MANBA: variants seen among roughly 807,000 people sequenced by gnomAD.
MANBA encodes the protein mannosidase beta.
A neutral mutation model predicts 111.1 loss-of-function variants in MANBA; 83 were observed. The ratio of observed to expected loss-of-function variants is 0.75; its 90% confidence interval spans 0.63 to 0.90. The LOEUF (loss-of-function observed/expected upper bound fraction) is 0.90, where lower values mean the gene tolerates loss of function less well. Ranked by LOEUF, MANBA falls within the 40% of genes least tolerant of loss-of-function variation. The pLI is 0.00. For synonymous variants in MANBA, 370 were observed against 378.7 expected (o/e 0.98, Z 0.27); for missense variants, 1,036 against 1,069.0 (o/e 0.97, Z 0.43).
intron 4 of MANBA, among the ~76,000 whole-genome samples, chr4:102,719,425 C>T (rs534788470): frequency 1.3e-5 from 2 of 152,278 alleles, no homozygotes; most frequent in South Asian, 4.1e-4. Context: ...TGTTCAAACA[C>T]ACATTTTACA....
At chr4:102,640,504 T>C (rs569490929) in intron 13 of MANBA, among the ~76,000 whole-genome samples, 1 of 152,340 alleles carries the variant, frequency 6.6e-6, no homozygotes, top group Admixed American at 6.5e-5. Flanking sequence ...CACAGGACCC[T>C]TGATTACCGA....
At chr4:102,632,703 C>T (rs1729446224) in intron 16 of MANBA, among the ~76,000 whole-genome samples, 1 of 152,194 alleles carries the variant, frequency 6.6e-6, no homozygotes, top group Admixed American at 6.5e-5. Context: ...TGAAAAGATC[C>T]AGCAATCTAG....
chr4:102,670,670 C>T (rs868397838), intron 9 of MANBA, among the ~76,000 whole-genome samples: 4 of 152,018 alleles, frequency 2.6e-5, no homozygotes, highest in African/African-American at 9.6e-5. Flanking sequence ...ACGGTGAAAC[C>T]CCATCTCTAC....
chr4:102,751,152 A>C (rs1209719186), intron 1 of MANBA, among the ~76,000 whole-genome samples: 3 of 152,230 alleles, frequency 2.0e-5, no homozygotes, highest in Non-Finnish European at 2.9e-5. Context: ...ACACTGATGC[A>C]CATATATTGT....
intron 1 of MANBA, among the ~76,000 whole-genome samples, chr4:102,758,800 A>C (rs1724123025): frequency 6.6e-6 from 1 of 152,042 alleles, no homozygotes; most frequent in Admixed American, 6.6e-5. Context: ...CTGGGATTAT[A>C]GGCATGAGCC....
At chr4:102,679,430 T>C (rs1170933158) in intron 7 of MANBA, among the ~76,000 whole-genome samples, 3 of 152,142 alleles carry the variant, frequency 2.0e-5, no homozygotes, top group Non-Finnish European at 4.4e-5. Flanking sequence ...CCCTGAACTT[T>C]GTATAATCAC....
At chr4:102,700,902 C>A (rs1733000421) in intron 5 of MANBA, among the ~76,000 whole-genome samples, 1 of 152,030 alleles carries the variant, frequency 6.6e-6, no homozygotes, top group Admixed American at 6.6e-5. Context: ...GAGTTCAATT[C>A]CTGGGTATCC....
intron 12 of MANBA, among the ~76,000 whole-genome samples, chr4:102,652,225 A>T (rs1241751470): frequency 6.6e-6 from 1 of 152,184 alleles, no homozygotes; most frequent in Non-Finnish European, 1.5e-5. Context: ...CTTTTGTATC[A>T]ATTAACCAAC....
rs369998791 is a variant in MANBA, at chr4:102,714,410, GA to G, written c.673+27del. 1.6e-4 allele frequency: 253 copies of G among 1,577,848 alleles called. 2 individuals are homozygous for G. The East Asian group carries it at 1.9e-3, about 12-fold the overall frequency. On this transcript the variant is annotated intron_variant, in intron 5 of 16. Coordinates refer to ENST00000647097, the MANE Select transcript of MANBA (RefSeq NM_005908.4). ...TTTTTATAACAAGAAGACTCAAAAA[GA>G]AAAAAAAATCACATCTTTCAGCTTA...
At chr4:102,712,850 TTC>T (rs1722141109) in intron 5 of MANBA, among the ~76,000 whole-genome samples, 1 of 152,096 alleles carries the variant, frequency 6.6e-6, no homozygotes, top group Admixed American at 6.5e-5. Context: ...TCACACCAGA[TTC>T]TGTTATTTAT....
chr4:102,759,495 A>G (rs920186341), intron 1 of MANBA, among the ~76,000 whole-genome samples: 1 of 151,880 alleles, frequency 6.6e-6, no homozygotes, highest in African/African-American at 2.4e-5. Flanking sequence ...GGAATGATCT[A>G]CTCTAAAAAT....
intron 12 of MANBA, among the ~76,000 whole-genome samples, chr4:102,657,427 T>A (rs954602921): frequency 2.6e-5 from 4 of 152,198 alleles, no homozygotes; most frequent in African/African-American, 9.6e-5. Flanking sequence ...GTTATTTCCG[T>A]GTGTGATAAT....
At chr4:102,746,841 G>A (rs907316602) in intron 1 of MANBA, among the ~76,000 whole-genome samples, 13 of 152,078 alleles carry the variant, frequency 8.5e-5, no homozygotes, top group Admixed American at 2.6e-4. Flanking sequence ...GCGTGGTGGC[G>A]GTCGCCTGTA....
At chr4:102,722,326 A>C (rs971834802) in intron 4 of MANBA, 12 of 156,496 alleles carry the variant, frequency 7.7e-5, no homozygotes, top group African/African-American at 2.9e-4. Context: ...AAACATTAAA[A>C]AACCAAATGT....
rs572164146 is a variant in MANBA, at chr4:102,723,002, T to C, written c.418A>G (p.Ile140Val). The stretch of plus-strand genomic sequence containing the variant: ...ACCGCTGACTGGAAACGCAGCTCAA[T>C]GGAGTTCACGTCCCTGACCACGTTG... ...ITNVVRDVNS[I>V]ELRFQSAVLY... is the part of the protein sequence containing the mutation. The change falls in exon 4 of 17, where the codon ATT (isoleucine) becomes GTT (valine). Residue 140 changes from isoleucine to valine, a missense_variant. Ile to Val is a conservative substitution (Grantham distance 29). Coordinates refer to ENST00000647097, the MANE Select transcript of MANBA (RefSeq NM_005908.4). 1.7e-5 allele frequency: 28 copies of C among 1,614,162 alleles called. No individual in the cohort carries two copies. The African/African-American group carries it at 2.9e-4, about 17-fold the overall frequency.
chr4:102,724,136 C>T (rs1019791131), intron 2 of MANBA, among the ~76,000 whole-genome samples, 169 bp from the exon 3 acceptor site: 9 of 152,160 alleles, frequency 5.9e-5, no homozygotes, highest in African/African-American at 1.7e-4. Flanking sequence ...AACATACTTA[C>T]GTCCTTTGAG....
intron 12 of MANBA, among the ~76,000 whole-genome samples, chr4:102,655,774 A>G (rs1167572842): frequency 6.6e-6 from 1 of 152,240 alleles, no homozygotes; most frequent in Non-Finnish European, 1.5e-5. Context: ...CAAAAAGAAC[A>G]GATTGGTAAG....
intron 1 of MANBA, among the ~76,000 whole-genome samples, chr4:102,749,967 A>G (rs2110210596): frequency 6.6e-6 from 1 of 152,348 alleles, no homozygotes; most frequent in South Asian, 2.1e-4. Context: ...GCATCAAACA[A>G]GAAAGTATAT....
intron 5 of MANBA, among the ~76,000 whole-genome samples, chr4:102,703,456 C>T (rs747821432): frequency 1.3e-5 from 2 of 152,158 alleles, no homozygotes; most frequent in African/African-American, 4.8e-5. Context: ...TGCCTGGGGA[C>T]GAGTCTGCCT....
Sources: allele counts gnomAD v4.1 joint callset (sites outside exome capture counted in the v4.1 genomes callset), GRCh38; gene constraint gnomAD v4.1.1; transcripts MANE v1.5; gene names NCBI Gene and HGNC (gene_info 2026-07-23, HGNC 2026-07-21).